Variants in DIS3L2 observed in about 807,000 individuals in gnomAD.
DIS3L2 encodes DIS3-like exonuclease 2.
DIS3L2 carries 34 observed loss-of-function variants against 97.5 expected under a neutral mutation model. That is an observed-to-expected ratio of 0.35 (90% CI 0.27 to 0.46). The LOEUF (loss-of-function observed/expected upper bound fraction) is 0.46. Ranked by LOEUF, DIS3L2 falls within the 20% of genes least tolerant of loss-of-function variation. The pLI, the probability that DIS3L2 is intolerant of heterozygous loss-of-function variation, is 1.00. For missense variants in DIS3L2, 1,038 were observed against 1,146.0 expected, an observed-to-expected ratio of 0.91 and a Z score of 1.36; for synonymous variants, 435 against 445.2, an observed-to-expected ratio of 0.98 and a Z score of 0.29.
chr2:232,192,668 G>A (rs931643608), intron 9 of DIS3L2, among the ~76,000 whole-genome samples: 7 of 152,222 alleles, frequency 4.6e-5, no homozygotes, highest in Admixed American at 6.5e-5. Context: ...AGGGGACAGT[G>A]TGGAAGTGGT....
chr2:232,227,322 G>A (rs1692677142), intron 10 of DIS3L2, among the ~76,000 whole-genome samples: 1 of 152,218 alleles, frequency 6.6e-6, no homozygotes, highest in African/African-American at 2.4e-5. Context: ...TCTCCATAAT[G>A]CAGTGGTTAG....
chr2:232,000,979 G>A (rs925799443), intron 1 of DIS3L2, among the ~76,000 whole-genome samples: 3 of 151,618 alleles, frequency 2.0e-5, no homozygotes, highest in East Asian at 1.9e-4. Context: ...GGTTGATTCC[G>A]TATCTTGGCT....
intron 13 of DIS3L2, among the ~76,000 whole-genome samples, chr2:232,284,201 A>G (rs1027507935): frequency 6.6e-6 from 1 of 152,162 alleles, no homozygotes; most frequent in Admixed American, 6.5e-5. Context: ...GGCACAAACT[A>G]GAAGAGGGTC....
At chr2:232,209,529 G>A (rs58752301) in intron 9 of DIS3L2, among the ~76,000 whole-genome samples, 26,570 of 152,024 alleles carry the variant, frequency 0.17, 3,328 homozygotes, top group African/African-American at 0.36. Flanking sequence ...AGTGAGCACC[G>A]ACTAGAGTGT....
chr2:232,014,792 C>T (rs563786015), intron 1 of DIS3L2, 43 bp from the exon 2 acceptor site: 455 of 872,702 alleles, frequency 5.2e-4, no homozygotes, highest in Non-Finnish European at 7.0e-4. Context: ...GAGGAGGCTA[C>T]AGCTTAACCG....
chr2:232,014,850 C>T lies in DIS3L2; in HGVS notation c.-78C>T, dbSNP rs114491317. On this transcript the variant is annotated 5_prime_UTR_variant, in exon 2 of 21. Coordinates refer to ENST00000325385, the MANE Select transcript of DIS3L2 (RefSeq NM_152383.5). ...TTGGTTTCAGCGAATGACAACAGAG[C>T]TGCTCAAGGCGGGAACTCTGAGCTA... 4,220 of 1,485,644 alleles carry T rather than the reference C, an allele frequency of 2.8e-3. 6 individuals are homozygous for T. The highest frequency in any genetic ancestry group is 3.2e-3 in the Non-Finnish European group (3,415 of 1,073,484). 92.0% of individuals were successfully genotyped at this position (1,485,644 alleles called of 1,614,324 possible). A position where few individuals can be genotyped will look rare whatever the true frequency, so the allele number is the denominator to read the frequency against.
intron 8 of DIS3L2, among the ~76,000 whole-genome samples, chr2:232,147,601 A>T (rs1306165238): frequency 2.0e-5 from 3 of 152,180 alleles, no homozygotes; most frequent in Non-Finnish European, 2.9e-5. Flanking sequence ...GAATCACCAG[A>T]TATTTTGACA....
At chr2:232,290,597 ATAGC>A (rs1219911160) in intron 13 of DIS3L2, among the ~76,000 whole-genome samples, 1 of 152,234 alleles carries the variant, frequency 6.6e-6, no homozygotes, top group Non-Finnish European at 1.5e-5. Context: ...TGGGTTGACC[ATAGC>A]TCCAAAGACA....
At chr2:232,165,329 C>T (rs1386215519) in intron 9 of DIS3L2, among the ~76,000 whole-genome samples, 1 of 151,910 alleles carries the variant, frequency 6.6e-6, no homozygotes, top group Non-Finnish European at 1.5e-5. Context: ...TAAAGTAATA[C>T]AAAAACTACA....
At position 232,325,869 on chromosome 2, in the gene DIS3L2, C is replaced by T. The variant is rs1475766286; in HGVS notation, c.1740-3944C>T. ...GTGGGGTGACACTAGGGCCAGTGCC[C>T]ACATCAGAGGAGGAAGGTATGAGGC... On this transcript the variant is annotated intron_variant, in intron 14 of 20. Transcript: ENST00000325385. The surrounding 1 kb of genome is among the most constrained non-coding windows in gnomAD (Gnocchi z 4.6). 6.6e-6 allele frequency among the ~76,000 whole-genome samples: 1 copy of T among 152,204 alleles called. No individual in the cohort carries two copies. The highest frequency in any genetic ancestry group is 1.9e-4 in the East Asian group (1 of 5,196).
chr2:232,269,121 C>T lies in DIS3L2; in HGVS notation c.1659+5681C>T, dbSNP rs1036325041. ...ACTTGCAGAGATGCTGGCTCTGCCT[C>T]GTGTAGGTGCGCTGAAGGTGGGGAC... On this transcript the variant is annotated intron_variant, in intron 13 of 20. Coordinates refer to ENST00000325385, the MANE Select transcript of DIS3L2 (RefSeq NM_152383.5). The surrounding 1 kb of genome is among the most constrained non-coding windows in gnomAD (Gnocchi z 4.5). Among the ~76,000 whole-genome samples the T allele has an allele frequency of 6.6e-6, 1 of 152,176 alleles. No individual in the cohort carries two copies. The highest frequency in any genetic ancestry group is 1.5e-5 in the Non-Finnish European group (1 of 68,034).
chr2:231,962,041 G>T (rs1371153956), intron 1 of DIS3L2, among the ~76,000 whole-genome samples: 1 of 152,238 alleles, frequency 6.6e-6, no homozygotes, highest in African/African-American at 2.4e-5. Flanking sequence ...TTGTAGCCTA[G>T]GATGGCGTGA....
At chr2:232,104,501 G>T (rs1402064954) in intron 6 of DIS3L2, among the ~76,000 whole-genome samples, 1 of 152,042 alleles carries the variant, frequency 6.6e-6, no homozygotes, top group Non-Finnish European at 1.5e-5. Flanking sequence ...TCTGTGTTGT[G>T]CAACCACTAC....
At chr2:232,040,687 AC>A (rs1695086715) in intron 5 of DIS3L2, among the ~76,000 whole-genome samples, 1 of 152,226 alleles carries the variant, frequency 6.6e-6, no homozygotes, top group South Asian at 2.1e-4. Flanking sequence ...CTTACCGTGT[AC>A]CAGGTACTGT....
intron 6 of DIS3L2, among the ~76,000 whole-genome samples, chr2:232,111,969 C>T (rs1697550244): frequency 6.6e-6 from 1 of 152,208 alleles, no homozygotes; most frequent in African/African-American, 2.4e-5. Flanking sequence ...CCTTGCCTAC[C>T]TTTGCACTTC....
At chr2:232,233,020 C>T (rs1397049094) in intron 10 of DIS3L2, among the ~76,000 whole-genome samples, 2 of 152,114 alleles carry the variant, frequency 1.3e-5, no homozygotes, top group African/African-American at 4.8e-5. Context: ...GGGGAGGGCA[C>T]AGAATCACCA....
intron 5 of DIS3L2, among the ~76,000 whole-genome samples, chr2:232,032,859 T>C (rs1694850692): frequency 6.6e-6 from 1 of 152,204 alleles, no homozygotes; most frequent in Non-Finnish European, 1.5e-5. Flanking sequence ...TATATCTGTT[T>C]TGGTACCAGT....
At chr2:232,166,352 G>A (rs962026461) in intron 9 of DIS3L2, among the ~76,000 whole-genome samples, 18 of 152,168 alleles carry the variant, frequency 1.2e-4, no homozygotes, top group South Asian at 4.1e-4. Flanking sequence ...GTGCGCGCGC[G>A]CCCTGTGAAA....
At chr2:232,339,232 T>C (rs1412357718), downstream of DIS3L2, among the ~76,000 whole-genome samples, 8 of 151,568 alleles carry the variant, frequency 5.3e-5, no homozygotes, top group South Asian at 2.1e-4. Context: ...AGCCTCCTGG[T>C]CCCTGAGGAG....
Sources: gnomAD v4.1 joint callset for allele counts (sites outside exome capture counted in the v4.1 genomes callset) on GRCh38, gnomAD v4.1.1 for gene constraint, Gnocchi (gnomAD v3.1) non-coding constraint, MANE v1.5 for transcripts, NCBI Gene and HGNC (gene_info 2026-07-23, HGNC 2026-07-21) for gene names.